Variants in ARHGAP42 observed in about 807,000 individuals in gnomAD.
The protein encoded by ARHGAP42 is Rho GTPase activating protein 42, also known as rho GTPase-activating protein 42.
A neutral mutation model predicts 125.0 loss-of-function variants in ARHGAP42; 63 were observed. The observed-to-expected ratio is 0.50, with a 90% CI of 0.41 to 0.62. The LOEUF (loss-of-function observed/expected upper bound fraction) is 0.62. Among genes scored for constraint, ARHGAP42 ranks in the 20% least tolerant of loss-of-function variants. ARHGAP42 has a pLI of 0.00. For missense variants in ARHGAP42, 766 were observed against 1,024.2 expected (o/e 0.75, Z 3.44); for synonymous variants, 339 against 351.0 (o/e 0.97, Z 0.38).
chr11:100,962,830 C>T lies in ARHGAP42; in HGVS notation c.1444+363C>T, dbSNP rs765276561. On this transcript the variant is annotated intron_variant, in intron 16 of 23. Transcript: ENST00000298815. Reference sequence around the variant, plus strand: ...GGCGGAGGTTATGGTGAGTCGAGATCGCGCCATTGCACTCCAGCCTGGGCA... The same window carrying T: ...GGCGGAGGTTATGGTGAGTCGAGATTGCGCCATTGCACTCCAGCCTGGGCA... Among the ~76,000 whole-genome samples, 92 of 151,924 alleles carry T rather than the reference C, an allele frequency of 6.1e-4. 1 individual carries two copies. Among genetic ancestry groups the T allele is most frequent in the African/African-American group, 2.9e-4 (12 of 41,352 alleles).
intron 3 of ARHGAP42, among the ~76,000 whole-genome samples, chr11:100,853,850 C>A (rs1367222605): frequency 2.0e-5 from 3 of 151,662 alleles, no homozygotes; most frequent in Non-Finnish European, 4.4e-5. Context: ...GCTTTGACAT[C>A]AAGTATGTGC....
intron 1 of ARHGAP42, among the ~76,000 whole-genome samples, chr11:100,712,873 C>G (rs2120243139): frequency 6.6e-6 from 1 of 152,326 alleles, no homozygotes; most frequent in East Asian, 1.9e-4. Context: ...CACAACCTTT[C>G]TCTACCTGCC....
chr11:100,917,409 C>T (rs1867102030), intron 5 of ARHGAP42, among the ~76,000 whole-genome samples: 1 of 152,052 alleles, frequency 6.6e-6, no homozygotes, highest in Non-Finnish European at 1.5e-5. Context: ...TTTTGTTGTG[C>T]CGGACTGTCT....
chr11:100,772,957 C>A (rs566988073), intron 2 of ARHGAP42, among the ~76,000 whole-genome samples: 3 of 152,176 alleles, frequency 2.0e-5, no homozygotes, highest in Non-Finnish European at 4.4e-5. Context: ...ATGCCTCAGC[C>A]TCCTGAGTAA....
In ARHGAP42 at chr11:100,935,061, A is replaced by G. The variant is rs540544474; in HGVS notation, c.703-1142A>G. Among the ~76,000 whole-genome samples the G allele has an allele frequency of 9.2e-5, 14 of 151,726 alleles. No individual in the cohort carries two copies. In the Middle Eastern group the frequency reaches 0.01, roughly 112 times the overall value. On this transcript the variant is annotated intron_variant, in intron 7 of 23. Transcript: ENST00000298815. Reference sequence around the variant, plus strand: ...ACAGGAGAGAAGTAAGGAATTGGAGAAAAAAAAATTAGACCCTTATGTTTG... The same window carrying G: ...ACAGGAGAGAAGTAAGGAATTGGAGGAAAAAAAATTAGACCCTTATGTTTG...
At chr11:100,961,820 TTGAGTAGTAACCACG>T in intron 15 of ARHGAP42, 52 bp downstream of exon 15, 1 of 1,435,452 alleles carries the variant, frequency 7.0e-7, no homozygotes, top group Non-Finnish European at 9.6e-7. Context: ...GACTCACCCC[TTGAGTAGTAACCACG>T]TGATTTCTTG....
chr11:100,800,742 T>G (rs988386359), intron 3 of ARHGAP42, among the ~76,000 whole-genome samples: 1 of 151,968 alleles, frequency 6.6e-6, no homozygotes, highest in Non-Finnish European at 1.5e-5. Context: ...ACCTGTTGTT[T>G]CAGAAAGGGT....
At chr11:100,916,136 G>A (rs1020961206) in intron 5 of ARHGAP42, among the ~76,000 whole-genome samples, 1 of 152,122 alleles carries the variant, frequency 6.6e-6, no homozygotes, top group African/African-American at 2.4e-5. Flanking sequence ...AAATCCCAAG[G>A]CCGTCAACTA....
At chr11:100,885,035 G>A (rs1866055726) in intron 4 of ARHGAP42, among the ~76,000 whole-genome samples, 1 of 152,106 alleles carries the variant, frequency 6.6e-6, no homozygotes, top group Non-Finnish European at 1.5e-5. Flanking sequence ...ATACCCAGTT[G>A]CCAGATTAGA....
At chr11:100,745,436 G>C (rs573119653) in intron 1 of ARHGAP42, among the ~76,000 whole-genome samples, 1 of 152,146 alleles carries the variant, frequency 6.6e-6, no homozygotes, top group South Asian at 2.1e-4. Flanking sequence ...CAACCCACAC[G>C]TGCATGGTGT....
chr11:100,975,293 G>T (rs897574288), intron 19 of ARHGAP42, among the ~76,000 whole-genome samples: 3 of 152,136 alleles, frequency 2.0e-5, no homozygotes, highest in African/African-American at 7.2e-5. Flanking sequence ...CTTATTTCAA[G>T]TTGCACACCT....
At chr11:100,890,122 C>T (rs1021101886) in intron 4 of ARHGAP42, among the ~76,000 whole-genome samples, 1 of 152,158 alleles carries the variant, frequency 6.6e-6, no homozygotes, top group Non-Finnish European at 1.5e-5. Context: ...AGCAGGCATC[C>T]AGATGACAGC....
At chr11:100,900,423 C>T (rs1047553937) in intron 4 of ARHGAP42, among the ~76,000 whole-genome samples, 4 of 152,006 alleles carry the variant, frequency 2.6e-5, no homozygotes, top group Non-Finnish European at 5.9e-5. Flanking sequence ...TTGTGGTGTT[C>T]TCTGTATTTC....
chr11:100,793,332 C>T (rs548542472), intron 2 of ARHGAP42, among the ~76,000 whole-genome samples: 1 of 152,276 alleles, frequency 6.6e-6, no homozygotes, highest in African/African-American at 2.4e-5. Flanking sequence ...TTTTGTTCAA[C>T]TAACTGTTGT....
intron 3 of ARHGAP42, among the ~76,000 whole-genome samples, chr11:100,828,382 A>C (rs543883825): frequency 1.6e-4 from 25 of 152,274 alleles, no homozygotes; most frequent in African/African-American, 5.5e-4. Flanking sequence ...AATTGCTGCT[A>C]TACATGCTGT....
intron 2 of ARHGAP42, among the ~76,000 whole-genome samples, chr11:100,771,278 C>G (rs1014226406): frequency 1.3e-5 from 2 of 152,118 alleles, no homozygotes; most frequent in South Asian, 4.1e-4. Context: ...ATTCATCTCC[C>G]ATAAAATGAA....
At chr11:100,949,787 G>A (rs1401308062) in intron 11 of ARHGAP42, 130 bp from the exon 12 acceptor site, 1 of 483,382 alleles carries the variant, frequency 2.1e-6, no homozygotes, top group Non-Finnish European at 3.5e-6. Flanking sequence ...GTGGTGCTGT[G>A]GACACAGCAG....
intron 5 of ARHGAP42, among the ~76,000 whole-genome samples, chr11:100,915,625 C>G (rs569181919): frequency 2.0e-5 from 3 of 152,142 alleles, no homozygotes; most frequent in Non-Finnish European, 2.9e-5. Context: ...TTACTTGCCT[C>G]GCTAGTAGCT....
chr11:100,811,968 T>G (rs2135060720), intron 3 of ARHGAP42, among the ~76,000 whole-genome samples: 1 of 152,294 alleles, frequency 6.6e-6, no homozygotes. Context: ...TGTTATATTT[T>G]TATTGCTTTT....
Sources: allele counts gnomAD v4.1 joint callset (sites outside exome capture counted in the v4.1 genomes callset), GRCh38; gene constraint gnomAD v4.1.1; transcripts MANE v1.5; gene names NCBI Gene and HGNC (gene_info 2026-07-23, HGNC 2026-07-21).